The following NIPAL2 variants were observed in gnomAD, a reference collection of about 807,000 sequenced individuals.
NIPAL2 encodes NIPA-like protein 2.
In NIPAL2, 43 loss-of-function variants were observed where a neutral mutation model predicts 48.9. That is an observed-to-expected ratio of 0.88 (90% CI 0.69 to 1.13). The LOEUF (loss-of-function observed/expected upper bound fraction) is 1.13. Ranked by LOEUF, NIPAL2 falls within the 50% of genes most tolerant of loss-of-function variation. The pLI, the probability that NIPAL2 is intolerant of heterozygous loss-of-function variation, is 0.00. For missense variants in NIPAL2, 446 were observed against 461.4 expected (o/e 0.97, Z 0.31); for synonymous variants, 167 against 174.6 (o/e 0.96, Z 0.34).
intron 4 of NIPAL2, among the ~76,000 whole-genome samples, chr8:98,228,474 G>T (rs1812286155): frequency 6.6e-6 from 1 of 152,156 alleles, no homozygotes; most frequent in Non-Finnish European, 1.5e-5. Flanking sequence ...ACTGCTACTT[G>T]CTACCTGGAA....
intron 6 of NIPAL2, among the ~76,000 whole-genome samples, chr8:98,209,083 G>C (rs1811180808): frequency 6.6e-6 from 1 of 152,112 alleles, no homozygotes; most frequent in South Asian, 2.1e-4. Context: ...GAAACTTGAT[G>C]AACTATATTA....
chr8:98,214,600 T>G (rs764364766), intron 5 of NIPAL2, among the ~76,000 whole-genome samples: 6 of 152,164 alleles, frequency 3.9e-5, no homozygotes, highest in Non-Finnish European at 7.4e-5. Flanking sequence ...GACCTCACTC[T>G]TTTGAGGAAT....
At chr8:98,207,070 A>G (rs142716870) in intron 6 of NIPAL2, among the ~76,000 whole-genome samples, 12 of 152,318 alleles carry the variant, frequency 7.9e-5, no homozygotes, top group Non-Finnish European at 1.5e-4. Context: ...ACTGCCTGAA[A>G]TTAGAACACA....
intron 1 of NIPAL2, among the ~76,000 whole-genome samples, chr8:98,286,645 C>T (rs1418419650): frequency 6.6e-6 from 1 of 151,798 alleles, no homozygotes; most frequent in Non-Finnish European, 1.5e-5. Context: ...CCTGTCTCTA[C>T]TAAAAATACA....
Position 98,209,363 on chromosome 8 carries a change from C to G in NIPAL2, c.655+3042G>C, listed in dbSNP as rs367953086. ...GTGGCCCATGCCTGTAATCCTAGCA[C>G]TTTGGGAAGGTGAGGCAGGAGGATT... is the stretch of plus-strand genomic sequence containing the variant. On this transcript the variant is annotated intron_variant, in intron 6 of 10. Coordinates refer to ENST00000430223, the MANE Select transcript of NIPAL2 (RefSeq NM_001321635.2). 7.7e-5 allele frequency among the ~76,000 whole-genome samples: 11 copies of G among 142,888 alleles called. No individual in the cohort carries two copies. The Admixed American group carries it at 8.5e-4, about 11-fold the overall frequency. The allele number at this position is 142,888 out of a possible 152,430, so 93.7% of individuals were successfully genotyped here. A position where few individuals can be genotyped will look rare whatever the true frequency, so the allele number is the denominator to read the frequency against.
At chr8:98,269,305 CTATT>C (rs146444675) in intron 1 of NIPAL2, among the ~76,000 whole-genome samples, 1,980 of 152,320 alleles carry the variant, frequency 0.013, 51 homozygotes, top group African/African-American at 0.045. Context: ...AGAGGAATCA[CTATT>C]TATGGCAGCT....
chr8:98,220,071 G>T (rs1210955827), intron 5 of NIPAL2, among the ~76,000 whole-genome samples: 1 of 151,832 alleles, frequency 6.6e-6, no homozygotes, highest in Admixed American at 6.6e-5. Context: ...AGAAACCTAA[G>T]TATCTTTGTA....
chr8:98,260,679 C>T (rs1000878616), intron 1 of NIPAL2, among the ~76,000 whole-genome samples: 1 of 152,196 alleles, frequency 6.6e-6, no homozygotes, highest in Non-Finnish European at 1.5e-5. Context: ...GATCAAACTG[C>T]AAGGCGGCAG....
intron 5 of NIPAL2, among the ~76,000 whole-genome samples, chr8:98,215,956 T>C (rs775736965): frequency 1.3e-5 from 2 of 152,152 alleles, no homozygotes; most frequent in Non-Finnish European, 2.9e-5. Context: ...GCTGAAGGGG[T>C]GTGTGGCAAA....
At position 98,191,011 on chromosome 8, in the gene NIPAL2, A is replaced by G. The variant is rs1810283858; in HGVS notation, c.*1967T>C. 2 of 152,250 alleles carry G rather than the reference A, an allele frequency of 1.3e-5. No homozygotes were observed. Among genetic ancestry groups the G allele is most frequent in the African/African-American group, 4.8e-5 (2 of 41,460 alleles). 9.4% of individuals were successfully genotyped at this position (152,250 alleles called of 1,614,324 possible). On this transcript the variant is annotated 3_prime_UTR_variant, in exon 11 of 11. Transcript: ENST00000430223. ...AAAACTAGGTCTGAATATATTTTAT[A>G]TGTTACCTGGACTTCTAAAACATTG...
chr8:98,275,828 T>C (rs1205818317), intron 1 of NIPAL2, among the ~76,000 whole-genome samples: 1 of 152,232 alleles, frequency 6.6e-6, no homozygotes, highest in African/African-American at 2.4e-5. Context: ...CCATTTGTTT[T>C]AACTACAATC....
intron 10 of NIPAL2, among the ~76,000 whole-genome samples, chr8:98,194,275 G>C (rs759732040): frequency 2.7e-4 from 41 of 151,856 alleles, no homozygotes; most frequent in Non-Finnish European, 5.7e-4. Context: ...GTGAGGAAGG[G>C]GGAAGAAACT....
chr8:98,248,366 A>G (rs1813407882), intron 3 of NIPAL2, among the ~76,000 whole-genome samples: 1 of 152,232 alleles, frequency 6.6e-6, no homozygotes, highest in Admixed American at 6.5e-5. Context: ...ATTTATCTAC[A>G]CGATAATAAT....
chr8:98,255,586 T>C (rs891143712), intron 1 of NIPAL2, among the ~76,000 whole-genome samples: 1 of 152,228 alleles, frequency 6.6e-6, no homozygotes, highest in African/African-American at 2.4e-5. Flanking sequence ...AGTGGAAAAC[T>C]CATTATATAG....
intron 3 of NIPAL2, among the ~76,000 whole-genome samples, chr8:98,248,004 CAAG>C (rs1396017951): frequency 1.3e-5 from 2 of 152,170 alleles, no homozygotes; most frequent in African/African-American, 4.8e-5. Context: ...GAAGCCAGAG[CAAG>C]AAGATGGAAA....
At chr8:98,270,448 T>G (rs919796764) in intron 1 of NIPAL2, among the ~76,000 whole-genome samples, 1 of 152,166 alleles carries the variant, frequency 6.6e-6, no homozygotes, top group Non-Finnish European at 1.5e-5. Context: ...ATGTTCAGCA[T>G]TTTTTCCGTG....
chr8:98,280,850 A>T (rs1441744255), intron 1 of NIPAL2, among the ~76,000 whole-genome samples: 2 of 150,314 alleles, frequency 1.3e-5, no homozygotes, highest in African/African-American at 2.4e-5. Flanking sequence ...CAGGTGAGGG[A>T]CATATGGTAT....
At chr8:98,231,559 G>T (rs1243407808) in intron 4 of NIPAL2, among the ~76,000 whole-genome samples, 1 of 152,164 alleles carries the variant, frequency 6.6e-6, no homozygotes, top group Non-Finnish European at 1.5e-5. Flanking sequence ...GAAGAGAGAA[G>T]AAAATCCTAT....
chr8:98,293,720 C>A (rs1437624880), intron 1 of NIPAL2, among the ~76,000 whole-genome samples: 1 of 152,208 alleles, frequency 6.6e-6, no homozygotes, highest in Non-Finnish European at 1.5e-5. Context: ...GGATCGGGAC[C>A]CGGAGGTCCC....
Sources: gnomAD v4.1 joint callset for allele counts (sites outside exome capture counted in the v4.1 genomes callset) on GRCh38, gnomAD v4.1.1 for gene constraint, MANE v1.5 for transcripts, NCBI Gene and HGNC (gene_info 2026-07-23, HGNC 2026-07-21) for gene names.